The following DNAJC6 variants were observed in gnomAD, a reference collection of about 807,000 sequenced individuals.
DNAJC6 encodes the protein DnaJ heat shock protein family (Hsp40) member C6, also known as auxilin.
A neutral mutation model predicts 110.0 loss-of-function variants in DNAJC6; 34 were observed. The observed-to-expected ratio is 0.31, with a 90% CI of 0.24 to 0.41. The LOEUF (loss-of-function observed/expected upper bound fraction) is 0.41, where lower values mean the gene tolerates loss of function less well. Among genes scored for constraint, DNAJC6 ranks in the 10% least tolerant of loss-of-function variants. DNAJC6 has a pLI of 1.00. For missense variants in DNAJC6, 1,031 were observed against 1,207.8 expected (o/e 0.85, Z 2.17); for synonymous variants, 406 against 437.2 (o/e 0.93, Z 0.89).
chr1:65,362,675 G>T (rs573354258), intron 1 of DNAJC6, among the ~76,000 whole-genome samples: 5 of 152,266 alleles, frequency 3.3e-5, no homozygotes, highest in Middle Eastern at 3.4e-3. Flanking sequence ...GACTTCCAGG[G>T]TCACACAGCT....
In DNAJC6 at chr1:65,275,333, A is replaced by T. The variant is rs539465807; in HGVS notation, c.-131+10401A>T. Among the ~76,000 whole-genome samples, 6 of 152,324 alleles carry T rather than the reference A, an allele frequency of 3.9e-5. No individual in the cohort carries two copies. In the South Asian group the frequency reaches 1.0e-3, roughly 26 times the overall value. On this transcript the variant is annotated intron_variant, in intron 1 of 19. Transcript: ENST00000263441. ...TTGATTTTGTCTTTGCTTTTGAAGGACAATTTTACTAGGTGTATAGAATTA... is the reference window on the plus strand; with the variant it reads ...TTGATTTTGTCTTTGCTTTTGAAGGTCAATTTTACTAGGTGTATAGAATTA...
At chr1:65,310,877 T>C (rs1048684170) in intron 1 of DNAJC6, among the ~76,000 whole-genome samples, 6 of 152,234 alleles carry the variant, frequency 3.9e-5, no homozygotes, top group African/African-American at 1.4e-4. Context: ...TCTACACTGG[T>C]AACTTTAATA....
intron 1 of DNAJC6, among the ~76,000 whole-genome samples, chr1:65,281,576 G>A (rs1241752260): frequency 6.6e-6 from 1 of 151,898 alleles, no homozygotes; most frequent in Non-Finnish European, 1.5e-5. Flanking sequence ...TGTACCCTAA[G>A]TACTTCATTT....
chr1:65,398,098 T>G (rs1645996687), intron 13 of DNAJC6, among the ~76,000 whole-genome samples: 1 of 152,242 alleles, frequency 6.6e-6, no homozygotes. Flanking sequence ...ACTACGCACA[T>G]GTATTCCTCT....
Position 65,309,950 on chromosome 1 carries a change from C to T in DNAJC6, c.193+12C>T. On this transcript the variant is annotated intron_variant, in intron 1 of 18. Coordinates refer to ENST00000371069, the MANE Select transcript of DNAJC6 (RefSeq NM_001256864.2). ...CATGGACAGCTCAGGTAGCGCTGCC[C>T]GAGGGGAGTGCAGCGCTGAGCCCCG... The T allele has an allele frequency of 7.0e-7, 1 of 1,437,634 alleles. No individual in the cohort carries two copies. The highest frequency in any genetic ancestry group is 9.1e-7 in the Non-Finnish European group (1 of 1,095,830). The allele number at this position is 1,437,634 out of a possible 1,614,324, so 89.1% of individuals were successfully genotyped here.
intron 1 of DNAJC6, among the ~76,000 whole-genome samples, chr1:65,319,407 A>G (rs1456242739): frequency 2.0e-5 from 3 of 152,172 alleles, no homozygotes; most frequent in African/African-American, 7.2e-5. Flanking sequence ...GATAATGGGT[A>G]GAAATGCTAG....
chr1:65,381,441 G>A (rs991911861), intron 5 of DNAJC6, among the ~76,000 whole-genome samples: 2 of 151,552 alleles, frequency 1.3e-5, no homozygotes, highest in African/African-American at 4.8e-5. Context: ...TCCAGCTACT[G>A]GGGAGGCTGA....
At position 65,356,611 on chromosome 1, in the gene DNAJC6, T is replaced by A. The variant is rs191350778; in HGVS notation, c.194-8024T>A. Among the ~76,000 whole-genome samples the A allele has an allele frequency of 5.9e-5, 9 of 151,684 alleles. No homozygotes were observed. The East Asian group carries it at 1.4e-3, about 23-fold the overall frequency. ...AAAATAAAATAAAATAAAATAAATT[T>A]AAAAAAATAAAAATTTCTGGTCATT... is the stretch of plus-strand genomic sequence containing the variant. On this transcript the variant is annotated intron_variant, in intron 1 of 18. Transcript: ENST00000371069.
chr1:65,271,881 AAAAAG>A (rs1038604718), intron 1 of DNAJC6, among the ~76,000 whole-genome samples: 3 of 151,888 alleles, frequency 2.0e-5, no homozygotes, highest in Non-Finnish European at 2.9e-5. Flanking sequence ...AAAAAAAAAA[AAAAAG>A]AAAGAAATAG....
At chr1:65,329,197 G>T (rs930893591) in intron 1 of DNAJC6, among the ~76,000 whole-genome samples, 76 of 152,272 alleles carry the variant, frequency 5.0e-4, no homozygotes, top group African/African-American at 1.8e-3. Flanking sequence ...GCAAGCCCTT[G>T]TTTATGTTGA....
chr1:65,392,737 G>T lies in DNAJC6; in HGVS notation c.1775G>T (p.Gly592Val). ...SDLFGGGGAA[G>V]PTQAGQSGVE... is the part of the protein sequence containing the mutation. Reference sequence around the variant, plus strand: ...CTGTTTGGGGGTGGAGGTGCAGCTGGTCCCACCCAGGCTGGACAGTCAGGA... The same window carrying T: ...CTGTTTGGGGGTGGAGGTGCAGCTGTTCCCACCCAGGCTGGACAGTCAGGA... The change falls in exon 12 of 19, where the codon GGT (glycine) becomes GTT (valine). Residue 592 changes from glycine to valine, a missense_variant. Transcript: ENST00000371069. 6.2e-7 allele frequency: 1 copy of T among 1,612,962 alleles called. No individual in the cohort carries two copies. The highest frequency in any genetic ancestry group is 8.5e-7 in the Non-Finnish European group (1 of 1,179,552).
At chr1:65,392,053 G>A (rs941206898) in intron 11 of DNAJC6, among the ~76,000 whole-genome samples, 7 of 152,302 alleles carry the variant, frequency 4.6e-5, no homozygotes, top group African/African-American at 1.7e-4. Context: ...TGGGATTACA[G>A]GTGTGAACCA....
rs529306108 is a variant in DNAJC6 at position 65,325,840 on chromosome 1, AG to A, written c.193+15904del. On this transcript the variant is annotated intron_variant, in intron 1 of 18. Coordinates refer to ENST00000371069, the MANE Select transcript of DNAJC6 (RefSeq NM_001256864.2). ...CTGTAGGCTATAGCCTATTGCTCCCAGGCTACAAGCCTGTATAGCATGTTAC... is the reference window on the plus strand; with the variant it reads ...CTGTAGGCTATAGCCTATTGCTCCCAGCTACAAGCCTGTATAGCATGTTAC... 5.3e-4 allele frequency among the ~76,000 whole-genome samples: 81 copies of A among 152,368 alleles called. 2 individuals are homozygous for A. In the South Asian group the frequency reaches 0.016, roughly 30 times the overall value.
chr1:65,331,878 C>T (rs905075147), intron 1 of DNAJC6, among the ~76,000 whole-genome samples: 1 of 152,314 alleles, frequency 6.6e-6, no homozygotes, highest in Non-Finnish European at 1.5e-5. Context: ...AGGCACAGAG[C>T]TATCACAGGA....
intron 1 of DNAJC6, among the ~76,000 whole-genome samples, chr1:65,342,048 A>C (rs1464378775): frequency 1.3e-5 from 2 of 152,168 alleles, no homozygotes; most frequent in Admixed American, 1.3e-4. Context: ...CAGAGCAGAC[A>C]TCAGGCCAAG....
intron 1 of DNAJC6, among the ~76,000 whole-genome samples, chr1:65,315,322 C>T (rs1645139366): frequency 6.7e-6 from 1 of 150,100 alleles, no homozygotes; most frequent in Non-Finnish European, 1.5e-5. Context: ...CAGGGGTTTT[C>T]ACCAATTTTT....
chr1:65,278,949 T>C (rs1653760345), intron 1 of DNAJC6: 1 of 984,922 alleles, frequency 1.0e-6, no homozygotes, highest in Admixed American at 6.2e-5. Flanking sequence ...AGCACTTCAC[T>C]CCCTACTCTT....
chr1:65,365,116 T>A (rs1217785436), intron 2 of DNAJC6, among the ~76,000 whole-genome samples: 5 of 152,162 alleles, frequency 3.3e-5, no homozygotes, highest in South Asian at 2.1e-4. Context: ...GCTTTTTTTT[T>A]ATACCCTGAC....
At chr1:65,359,760 C>T (rs1471410274) in intron 1 of DNAJC6, among the ~76,000 whole-genome samples, 2 of 152,166 alleles carry the variant, frequency 1.3e-5, no homozygotes, top group African/African-American at 2.4e-5. Flanking sequence ...ATGCTTTAGA[C>T]TTTGTGGGCC....
Sources: allele counts gnomAD v4.1 joint callset (sites outside exome capture counted in the v4.1 genomes callset), GRCh38; gene constraint gnomAD v4.1.1; transcripts MANE v1.5; gene names NCBI Gene and HGNC (gene_info 2026-07-23, HGNC 2026-07-21).